The following SMURF2 variants were observed in gnomAD, a reference collection of about 807,000 sequenced individuals.
SMURF2 encodes E3 ubiquitin-protein ligase SMURF2.
In SMURF2, 48 loss-of-function variants were observed where a neutral mutation model predicts 109.6. That is an observed-to-expected ratio of 0.44 (90% CI 0.35 to 0.56). The LOEUF (loss-of-function observed/expected upper bound fraction) is 0.56, where lower values mean the gene tolerates loss of function less well. SMURF2 is among the 20% of genes least tolerant of loss of function. The pLI, the probability that SMURF2 is intolerant of heterozygous loss-of-function variation, is 0.01. For synonymous variants in SMURF2, 288 were observed against 317.1 expected, an observed-to-expected ratio of 0.91 and a Z score of 0.97; for missense variants, 575 against 909.0, an observed-to-expected ratio of 0.63 and a Z score of 4.72.
Position 64,594,935 on chromosome 17 carries a change from A to G in SMURF2, c.201-1362T>C, listed in dbSNP as rs1969797514. ...AACCCGGGAGGCGGAGGTTGTGGTGAGCCTAGATTGCGTCACTGCACTCCA... is the reference window on the plus strand; with the variant it reads ...AACCCGGGAGGCGGAGGTTGTGGTGGGCCTAGATTGCGTCACTGCACTCCA... On this transcript the variant is annotated intron_variant, in intron 3 of 18. Coordinates refer to ENST00000262435, the MANE Select transcript of SMURF2 (RefSeq NM_022739.4). Among the ~76,000 whole-genome samples, 3 of 152,130 alleles carry G rather than the reference A, an allele frequency of 2.0e-5. 1 individual carries two copies. In the South Asian group the frequency reaches 6.2e-4, roughly 32 times the overall value.
At chr17:64,576,334 A>T (rs775494415) in intron 9 of SMURF2, among the ~76,000 whole-genome samples, 39 of 152,008 alleles carry the variant, frequency 2.6e-4, no homozygotes, top group Non-Finnish European at 5.4e-4. Context: ...TAGGAAATGC[A>T]ATATCTGCAG....
intron 3 of SMURF2, among the ~76,000 whole-genome samples, chr17:64,597,998 G>C (rs1194114667): frequency 6.6e-6 from 1 of 151,698 alleles, no homozygotes; most frequent in Non-Finnish European, 1.5e-5. Flanking sequence ...ATACTCCAAT[G>C]GTTTAAAATA....
At chr17:64,631,554 C>T (rs1257533074) in intron 1 of SMURF2, among the ~76,000 whole-genome samples, 3 of 151,982 alleles carry the variant, frequency 2.0e-5, no homozygotes, top group African/African-American at 7.3e-5. Flanking sequence ...ATTAACTAAC[C>T]TTCACAGGTG....
At chr17:64,563,038 G>A in intron 10 of SMURF2, 72 bp from the exon 11 acceptor site, 1 of 1,271,322 alleles carries the variant, frequency 7.9e-7, no homozygotes, top group Admixed American at 2.4e-5. Context: ...ATTTAAAATA[G>A]CATCATATTA....
intron 1 of SMURF2, among the ~76,000 whole-genome samples, chr17:64,647,815 G>C (rs1555693097): frequency 6.6e-6 from 1 of 151,938 alleles, no homozygotes; most frequent in South Asian, 2.1e-4. Context: ...CAGCTACCAG[G>C]GAGGCTGAGG....
chr17:64,580,813 G>C lies in SMURF2; in HGVS notation c.748C>G (p.Pro250Ala). Residue 250 changes from proline to alanine, a missense_variant, in exon 8 of 19, where the codon CCT becomes GCT. By Grantham distance (27) the Pro-to-Ala change is conservative (BLOSUM62 -1). Transcript: ENST00000262435. ...CCATAGCCTTCTGGTAGGTCTGGAGGAGTATGTAAATGTGTTCTGCTCATG... is the reference window on the plus strand; with the variant it reads ...CCATAGCCTTCTGGTAGGTCTGGAGCAGTATGTAAATGTGTTCTGCTCATG... Reference protein sequence around the residue: ...NYMSRTHLHTPPDLPEGYEQR... With the variant: ...NYMSRTHLHTAPDLPEGYEQR... 6.2e-7 allele frequency: 1 copy of C among 1,614,124 alleles called. No homozygotes were observed. The highest frequency in any genetic ancestry group is 8.5e-7 in the Non-Finnish European group (1 of 1,180,000).
chr17:64,660,278 G>T (rs1325951948), intron 1 of SMURF2, among the ~76,000 whole-genome samples: 1 of 152,098 alleles, frequency 6.6e-6, no homozygotes, highest in Non-Finnish European at 1.5e-5. Context: ...GGGATCACAT[G>T]TTCTTTCCAC....
chr17:64,605,363 A>G (rs1488183772), intron 2 of SMURF2, among the ~76,000 whole-genome samples: 2 of 152,148 alleles, frequency 1.3e-5, no homozygotes, highest in East Asian at 3.8e-4. Flanking sequence ...ATAAACTTTA[A>G]TTCAGGTTCT....
intron 9 of SMURF2, among the ~76,000 whole-genome samples, chr17:64,574,624 CCAAAA>C (rs781972558): frequency 6.6e-6 from 1 of 152,098 alleles, no homozygotes; most frequent in Admixed American, 6.6e-5. Context: ...AAAGGATCCT[CCAAAA>C]CAAAAGATGT....
chr17:64,625,768 T>C (rs79633117), intron 1 of SMURF2, among the ~76,000 whole-genome samples: 7,658 of 152,302 alleles, frequency 0.05, 317 homozygotes, highest in Admixed American at 0.14. Flanking sequence ...GATGCCAATG[T>C]TGCTGGTCTC....
At position 64,581,586 on chromosome 17, in the gene SMURF2, T is replaced by A. The variant is rs1178143782; in HGVS notation, c.570-595A>T. On this transcript the variant is annotated intron_variant, in intron 7 of 18. Transcript: ENST00000262435. The surrounding 1 kb of genome is among the most constrained non-coding windows in gnomAD (Gnocchi z 4.3). ...AAAAGGAAAGAAGACAGTTTGTCTCTTTAAGGGGCTTCCAGTCTACTATTG... is the reference window on the plus strand; with the variant it reads ...AAAAGGAAAGAAGACAGTTTGTCTCATTAAGGGGCTTCCAGTCTACTATTG... Among the ~76,000 whole-genome samples the A allele has an allele frequency of 6.6e-6, 1 of 152,198 alleles. No individual in the cohort carries two copies. The highest frequency in any genetic ancestry group is 1.5e-5 in the Non-Finnish European group (1 of 68,032).
chr17:64,595,844 A>T (rs1254516616), intron 3 of SMURF2, among the ~76,000 whole-genome samples: 2 of 152,192 alleles, frequency 1.3e-5, no homozygotes, highest in African/African-American at 2.4e-5. Flanking sequence ...AATTTTTTTT[A>T]AAAGAAAATA....
chr17:64,595,483 T>C (rs546595774), intron 3 of SMURF2, among the ~76,000 whole-genome samples: 3 of 152,180 alleles, frequency 2.0e-5, no homozygotes, highest in Non-Finnish European at 2.9e-5. Context: ...TATTAAAACT[T>C]TGACTTACTA....
intron 10 of SMURF2, among the ~76,000 whole-genome samples, chr17:64,566,601 T>A (rs1446379511): frequency 8.0e-6 from 1 of 124,758 alleles, no homozygotes; most frequent in Admixed American, 9.0e-5. Flanking sequence ...TGAGACAGTC[T>A]CGCTGTGTTG....
chr17:64,630,478 A>G (rs1420201226), intron 1 of SMURF2, among the ~76,000 whole-genome samples: 2 of 152,280 alleles, frequency 1.3e-5, no homozygotes, highest in East Asian at 3.9e-4. Context: ...AACTGGCCAA[A>G]ACACAAGAAA....
rs1598287973 is a variant in SMURF2, at chr17:64,598,233, C to T, written c.200+149G>A. 18 of 538,832 alleles carry T rather than the reference C, an allele frequency of 3.3e-5. No homozygotes were observed. The East Asian group carries it at 5.9e-4, about 18-fold the overall frequency. 33.4% of individuals were successfully genotyped at this position (538,832 alleles called of 1,614,324 possible). A position where few individuals can be genotyped will look rare whatever the true frequency, so the allele number is the denominator to read the frequency against. On this transcript the variant is annotated intron_variant, in intron 3 of 18. Coordinates refer to ENST00000262435, the MANE Select transcript of SMURF2 (RefSeq NM_022739.4). ...TTCAAAACCTGTCTATAAGCCAAAG[C>T]ACATTCCCACTGGGCTTTTCTTTAC...
At chr17:64,655,434 T>G (rs746571877) in intron 1 of SMURF2, among the ~76,000 whole-genome samples, 40 of 151,488 alleles carry the variant, frequency 2.6e-4, no homozygotes, top group Non-Finnish European at 5.0e-4. Flanking sequence ...ATTTTTGTAT[T>G]ATTAGTAGAG....
Position 64,661,956 on chromosome 17 carries a change from G to A in SMURF2, c.-76C>T, listed in dbSNP as rs1970786584. 1.2e-5 allele frequency: 14 copies of A among 1,133,062 alleles called. No homozygotes were observed. Among genetic ancestry groups the A allele is most frequent in the Admixed American group, 4.9e-5 (1 of 20,398 alleles). The allele number at this position is 1,133,062 out of a possible 1,614,324, so 70.2% of individuals were successfully genotyped here. On this transcript the variant is annotated 5_prime_UTR_variant, in exon 1 of 19. Transcript: ENST00000262435. ...CGAGGCGCGGCGGAGTCACCACAGCGGCCGGGGCTGGGGCCCGAGCAGCCG... is the reference window on the plus strand; with the variant it reads ...CGAGGCGCGGCGGAGTCACCACAGCAGCCGGGGCTGGGGCCCGAGCAGCCG...
chr17:64,659,137 G>A (rs1970740958), intron 1 of SMURF2, among the ~76,000 whole-genome samples: 1 of 152,138 alleles, frequency 6.6e-6, no homozygotes, highest in African/African-American at 2.4e-5. Flanking sequence ...CTCTTCTTCA[G>A]AGAGAGTGTG....
Sources: allele counts gnomAD v4.1 joint callset (sites outside exome capture counted in the v4.1 genomes callset), GRCh38; gene constraint gnomAD v4.1.1; non-coding constraint Gnocchi (gnomAD v3.1); transcripts MANE v1.5; gene names NCBI Gene and HGNC (gene_info 2026-07-23, HGNC 2026-07-21).